DMD: variants seen among roughly 807,000 people sequenced by gnomAD.
DMD encodes dystrophin.
A neutral mutation model predicts 330.1 loss-of-function variants in DMD; 63 were observed. The observed-to-expected ratio is 0.19, with a 90% confidence interval of 0.16 to 0.24. The LOEUF (loss-of-function observed/expected upper bound fraction) is 0.24. Among genes scored for constraint, DMD ranks in the 10% least tolerant of loss-of-function variants. DMD has a pLI of 1.00. For missense variants in DMD, 3,344 were observed against 2,684.1 expected, an observed-to-expected ratio of 1.25 and a Z score of -5.43; for synonymous variants, 1,223 against 959.8, an observed-to-expected ratio of 1.27 and a Z score of -5.07.
rs1036470318 is a variant in DMD at position 32,887,542 on chromosome X, G to A, written c.94-37722C>T. Among the ~76,000 whole-genome samples the A allele has an allele frequency of 1.9e-5, 2 of 106,214 alleles. 1 individual carries two copies. Among genetic ancestry groups the A allele is most frequent in the Non-Finnish European group, 3.9e-5 (2 of 51,845 alleles). 92.2% of individuals were successfully genotyped at this position (106,214 alleles called of 115,157 possible). A position where few individuals can be genotyped will look rare whatever the true frequency, so the allele number is the denominator to read the frequency against. Reference sequence around the variant, plus strand: ...AGGCGGGCAGATCATGAGGTCAGGGGTTTGAGACCAGCCTGGCAAACATGG... The same window carrying A: ...AGGCGGGCAGATCATGAGGTCAGGGATTTGAGACCAGCCTGGCAAACATGG... On this transcript the variant is annotated intron_variant, in intron 2 of 78. Coordinates refer to ENST00000357033, the MANE Select transcript of DMD (RefSeq NM_004006.3).
At chrX:31,671,368 G>A (rs1740441951) in intron 53 of DMD, among the ~76,000 whole-genome samples, 1 of 112,229 alleles carries the variant, frequency 8.9e-6, no homozygotes, top group African/African-American at 3.2e-5. Context: ...TTAAATTTTG[G>A]ATGTTAAACC....
intron 9 of DMD, among the ~76,000 whole-genome samples, chrX:32,693,981 A>G (rs761694023): frequency 8.9e-6 from 1 of 112,035 alleles, no homozygotes; most frequent in African/African-American, 3.2e-5. Flanking sequence ...ATATATTAGG[A>G]TTTCCCAGAC....
At chrX:31,841,879 T>C (rs190761593) in intron 48 of DMD, among the ~76,000 whole-genome samples, 153 of 112,531 alleles carry the variant, frequency 1.4e-3, no homozygotes, top group Non-Finnish European at 2.2e-3. Context: ...CAAGAGATTT[T>C]GTTTTTATGC....
chrX:32,965,256 C>T (rs1215264764), intron 2 of DMD, among the ~76,000 whole-genome samples: 2 of 111,191 alleles, frequency 1.8e-5, no homozygotes, highest in African/African-American at 3.3e-5. Flanking sequence ...CTTTGAGGGG[C>T]CAAGGTGGGC....
At chrX:31,169,167 A>C (rs1350918729) in intron 74 of DMD, among the ~76,000 whole-genome samples, 3 of 111,173 alleles carry the variant, frequency 2.7e-5, no homozygotes, top group African/African-American at 9.8e-5. Flanking sequence ...TATAAAATCA[A>C]AGCCTTGGAG....
chrX:31,280,258 A>C (rs1170019679), intron 62 of DMD, among the ~76,000 whole-genome samples: 5 of 112,371 alleles, frequency 4.4e-5, no homozygotes, highest in Non-Finnish European at 7.5e-5. Context: ...ATTTAGAAAA[A>C]CAAGTATACA....
intron 12 of DMD, among the ~76,000 whole-genome samples, chrX:32,613,727 G>A (rs60311009): frequency 0.055 from 6,072 of 110,248 alleles, 405 homozygotes; most frequent in African/African-American, 0.19. Context: ...CATACCCTGC[G>A]TTGTTCTCAT....
chrX:32,878,415 T>A lies in DMD; in HGVS notation c.94-28595A>T, dbSNP rs1223400817. Among the ~76,000 whole-genome samples, 26 of 111,746 alleles carry A rather than the reference T, an allele frequency of 2.3e-4. No individual in the cohort carries two copies. The Admixed American group carries it at 2.5e-3, about 11-fold the overall frequency. On this transcript the variant is annotated intron_variant, in intron 2 of 78. Transcript: ENST00000357033. ...AATAATATGGTGTTAAACTGATTAA[T>A]CTTTAACTTCGACAGAATGTTAGAG...
At chrX:31,513,400 C>T (rs957707679) in intron 55 of DMD, among the ~76,000 whole-genome samples, 1 of 109,761 alleles carries the variant, frequency 9.1e-6, no homozygotes, top group African/African-American at 3.3e-5. Flanking sequence ...GAGAGGGCAT[C>T]CCTGTCTTGT....
At chrX:32,300,250 C>T (rs976439119) in intron 42 of DMD, among the ~76,000 whole-genome samples, 2 of 111,592 alleles carry the variant, frequency 1.8e-5, no homozygotes, top group Non-Finnish European at 3.8e-5. Flanking sequence ...GATAGATATT[C>T]AGGTATGGTC....
chrX:32,628,366 C>G (rs901904869), intron 11 of DMD, among the ~76,000 whole-genome samples: 1 of 90,928 alleles, frequency 1.1e-5, no homozygotes, highest in African/African-American at 4.0e-5. Context: ...ATCAACATAA[C>G]GTCCTCCAGT....
chrX:31,918,622 TC>T (rs2094642142), intron 47 of DMD, among the ~76,000 whole-genome samples: 1 of 87,531 alleles, frequency 1.1e-5, no homozygotes, highest in African/African-American at 5.1e-5. Context: ...AATGTCAACA[TC>T]TTTTTTTTTA....
chrX:31,334,387 T>C lies in DMD; in HGVS notation c.9164-10729A>G, dbSNP rs16989553. Among the ~76,000 whole-genome samples the C allele has an allele frequency of 3.9e-3, 434 of 111,769 alleles. 5 individuals are homozygous for C. Among genetic ancestry groups the C allele is most frequent in the African/African-American group, 0.013 (411 of 30,739 alleles). ...CCTATCAAAAGGAATACCCTCTACT[T>C]TGGATTTGCATGTAGCCTCAGGGAC... On this transcript the variant is annotated intron_variant, in intron 61 of 78. Coordinates refer to ENST00000357033, the MANE Select transcript of DMD (RefSeq NM_004006.3).
intron 2 of DMD, among the ~76,000 whole-genome samples, chrX:32,931,261 A>G (rs751565655): frequency 2.7e-5 from 3 of 110,527 alleles, no homozygotes. Flanking sequence ...ATGGAATCCT[A>G]ATAAGGAGAT....
At chrX:32,611,074 T>C (rs2057130692) in intron 12 of DMD, among the ~76,000 whole-genome samples, 1 of 111,011 alleles carries the variant, frequency 9.0e-6, no homozygotes, top group Non-Finnish European at 1.9e-5. Context: ...GTTTCAGGTT[T>C]AAATAAAGTC....
intron 4 of DMD, among the ~76,000 whole-genome samples, chrX:32,828,473 C>T (rs2078905513): frequency 9.1e-6 from 1 of 109,675 alleles, no homozygotes; most frequent in South Asian, 3.9e-4. Context: ...CACACACACA[C>T]TCTGCTCTAG....
At position 31,574,782 on chromosome X, in the gene DMD, G is replaced by C. The variant is rs189980890; in HGVS notation, c.8217+52891C>G. 2.2e-4 allele frequency among the ~76,000 whole-genome samples: 24 copies of C among 110,544 alleles called. No individual in the cohort carries two copies. In the East Asian group the frequency reaches 6.8e-3, roughly 31 times the overall value. ...TTTAGCAAATTCCACATCGTATTTG[G>C]CCAAATCAGACATAAAATTAACATC... is the stretch of plus-strand genomic sequence containing the variant. On this transcript the variant is annotated intron_variant, in intron 55 of 78. Transcript: ENST00000357033.
chrX:32,247,199 T>C (rs1208511702), intron 43 of DMD, among the ~76,000 whole-genome samples: 2 of 111,943 alleles, frequency 1.8e-5, no homozygotes, highest in South Asian at 3.7e-4. Flanking sequence ...TGTCACCACC[T>C]TGAGCAATTA....
At chrX:32,829,432 C>T (rs2078994077) in intron 4 of DMD, among the ~76,000 whole-genome samples, 1 of 110,739 alleles carries the variant, frequency 9.0e-6, no homozygotes, top group Non-Finnish European at 1.9e-5. Context: ...TTTTAGTTTC[C>T]ACTTCATTTC....
Sources: gnomAD v4.1 joint callset for allele counts (sites outside exome capture counted in the v4.1 genomes callset) on GRCh38, gnomAD v4.1.1 for gene constraint, MANE v1.5 for transcripts, NCBI Gene and HGNC (gene_info 2026-07-23, HGNC 2026-07-21) for gene names.